KIAA1217: variants seen among roughly 807,000 people sequenced by gnomAD.
KIAA1217 encodes sickle tail protein homolog.
Under a neutral mutation model 163.9 loss-of-function variants are expected in KIAA1217, and 88 were observed. The observed-to-expected ratio is 0.54, with a 90% CI of 0.45 to 0.64. The LOEUF is 0.64. Ranked by LOEUF, KIAA1217 falls within the 30% of genes least tolerant of loss-of-function variation. The probability of loss-of-function intolerance (pLI) is 0.00; values close to 1 mark genes in which losing one functional copy is unlikely to be tolerated. For missense variants in KIAA1217, 2,372 were observed against 2,475.0 expected (o/e 0.96, Z 0.88); for synonymous variants, 903 against 923.1 (o/e 0.98, Z 0.39).
intron 1 of KIAA1217, among the ~76,000 whole-genome samples, chr10:23,883,413 A>G (rs1841037447): frequency 6.6e-6 from 1 of 151,958 alleles, no homozygotes; most frequent in Non-Finnish European, 1.5e-5. Flanking sequence ...TTCACACCTC[A>G]GAGTTGGTTG....
chr10:24,503,692 G>C (rs2067970958), intron 9 of KIAA1217, among the ~76,000 whole-genome samples: 1 of 152,166 alleles, frequency 6.6e-6, no homozygotes. Context: ...GAAAGTAATT[G>C]AAAACTAATT....
At chr10:24,390,394 A>T (rs2054693858) in intron 3 of KIAA1217, among the ~76,000 whole-genome samples, 1 of 151,898 alleles carries the variant, frequency 6.6e-6, no homozygotes, top group Non-Finnish European at 1.5e-5. Flanking sequence ...ACTGGTAAAA[A>T]ATACAATAAA....
At chr10:23,705,665 G>A (rs1318467199) in intron 1 of KIAA1217, among the ~76,000 whole-genome samples, 1 of 152,092 alleles carries the variant, frequency 6.6e-6, no homozygotes, top group Non-Finnish European at 1.5e-5. Flanking sequence ...TTTTAAATTG[G>A]AAATTGTGAG....
intron 2 of KIAA1217, among the ~76,000 whole-genome samples, chr10:24,186,626 C>T (rs1423219818): frequency 6.6e-6 from 1 of 152,178 alleles, no homozygotes; most frequent in African/African-American, 2.4e-5. Context: ...CACAGTGGCT[C>T]ACCCCTGTAA....
intron 1 of KIAA1217, among the ~76,000 whole-genome samples, chr10:23,759,844 C>T (rs1378997119): frequency 6.6e-6 from 1 of 152,140 alleles, no homozygotes; most frequent in Non-Finnish European, 1.5e-5. Context: ...TGTACCTATG[C>T]ATGCTTTTGA....
chr10:24,269,084 A>G (rs2076523830), intron 2 of KIAA1217, among the ~76,000 whole-genome samples: 1 of 143,294 alleles, frequency 7.0e-6, no homozygotes, highest in Non-Finnish European at 1.5e-5. Flanking sequence ...GGGGAAGGAT[A>G]GCATTGGGAG....
intron 1 of KIAA1217, among the ~76,000 whole-genome samples, chr10:23,821,634 C>A (rs888592470): frequency 6.6e-6 from 1 of 152,194 alleles, no homozygotes; most frequent in Admixed American, 6.5e-5. Flanking sequence ...TACCGATTCA[C>A]ACATACACAT....
chr10:24,061,962 A>G (rs1419233458), intron 2 of KIAA1217, among the ~76,000 whole-genome samples: 1 of 152,096 alleles, frequency 6.6e-6, no homozygotes, highest in African/African-American at 2.4e-5. Flanking sequence ...ATTCATTTGA[A>G]TAAGCTTTCC....
In KIAA1217 at chr10:23,902,891, A is replaced by T. The variant is rs141655560; in HGVS notation, c.-320-104334A>T. Among the ~76,000 whole-genome samples, 20 of 152,256 alleles carry T rather than the reference A, an allele frequency of 1.3e-4. No individual in the cohort carries two copies. In the East Asian group the frequency reaches 3.7e-3, roughly 28 times the overall value. ...ATTGGAAGGTGAATGTTAGCAGAAC[A>T]GCTGAGGCAAAAACTAAAGTCATGC... On this transcript the variant is annotated intron_variant, in intron 1 of 18. Coordinates refer to the KIAA1217 transcript ENST00000376462.
chr10:23,879,148 T>C (rs565399988), intron 1 of KIAA1217, among the ~76,000 whole-genome samples: 6 of 152,064 alleles, frequency 3.9e-5, no homozygotes, highest in Non-Finnish European at 7.4e-5. Flanking sequence ...TGAGATCATT[T>C]AAAGTAGTTG....
Position 23,957,944 on chromosome 10 carries a change from T to C in KIAA1217, c.-320-49281T>C, listed in dbSNP as rs1411170798. On this transcript the variant is annotated intron_variant, in intron 1 of 18. Coordinates refer to the KIAA1217 transcript ENST00000376462. ...ACTGCTGTGTCCTCAGCACCCCACA[T>C]ACAAGAGTTGCTAAATATTTCCTAT... 2.6e-5 allele frequency among the ~76,000 whole-genome samples: 4 copies of C among 152,182 alleles called. No individual in the cohort carries two copies. In the East Asian group the frequency reaches 5.8e-4, roughly 22 times the overall value.
intron 1 of KIAA1217, among the ~76,000 whole-genome samples, chr10:23,991,345 A>T (rs1695539105): frequency 6.6e-6 from 1 of 152,168 alleles, no homozygotes; most frequent in Non-Finnish European, 1.5e-5. Flanking sequence ...CACGTAGCCC[A>T]TCATGTACTG....
upstream of KIAA1217, among the ~76,000 whole-genome samples, chr10:24,208,033 A>G (rs1013431396): frequency 6.6e-6 from 1 of 150,504 alleles, no homozygotes; most frequent in Non-Finnish European, 1.5e-5. Context: ...TACAGGTTAC[A>G]AAATCGCGCT....
At chr10:24,186,565 A>G (rs763064695) in intron 2 of KIAA1217, among the ~76,000 whole-genome samples, 1 of 152,138 alleles carries the variant, frequency 6.6e-6, no homozygotes, top group Non-Finnish European at 1.5e-5. Flanking sequence ...TGTTACTTAG[A>G]AGGGGGATCT....
intron 1 of KIAA1217, among the ~76,000 whole-genome samples, chr10:23,969,699 G>A (rs966504639): frequency 6.6e-6 from 1 of 151,976 alleles, no homozygotes; most frequent in Non-Finnish European, 1.5e-5. Flanking sequence ...TCAAATATAT[G>A]GTTTTCAGAT....
intron 2 of KIAA1217, among the ~76,000 whole-genome samples, chr10:24,203,369 G>A (rs905863506): frequency 2.0e-5 from 3 of 152,112 alleles, no homozygotes; most frequent in Non-Finnish European, 4.4e-5. Context: ...ACAGAGCAAA[G>A]GCTGAACAGG....
chr10:23,762,357 A>T (rs890145222), intron 1 of KIAA1217, among the ~76,000 whole-genome samples: 2 of 152,134 alleles, frequency 1.3e-5, no homozygotes, highest in Non-Finnish European at 2.9e-5. Context: ...ATGAACATCA[A>T]TGTGAAATCC....
intron 2 of KIAA1217, among the ~76,000 whole-genome samples, chr10:24,028,339 A>G (rs1848049103): frequency 6.6e-6 from 1 of 152,140 alleles, no homozygotes; most frequent in African/African-American, 2.4e-5. Flanking sequence ...TATTCATGCC[A>G]TGCACAACCA....
In KIAA1217 at chr10:24,305,990, C is replaced by T. The variant is rs559620765; in HGVS notation, c.355-74879C>T. On this transcript the variant is annotated intron_variant, in intron 2 of 20. Transcript: ENST00000376454. ...ATGCTGGGATTGAGTCTCTGTGGTA[C>T]CAATGGTCTTACTATTGACGTCAGA... Among the ~76,000 whole-genome samples, 5 of 151,932 alleles carry T rather than the reference C, an allele frequency of 3.3e-5. No individual in the cohort carries two copies. The South Asian group carries it at 8.4e-4, about 25-fold the overall frequency.
Sources: allele counts gnomAD v4.1 joint callset (sites outside exome capture counted in the v4.1 genomes callset), GRCh38; gene constraint gnomAD v4.1.1; transcripts MANE v1.5; gene names NCBI Gene and HGNC (gene_info 2026-07-23, HGNC 2026-07-21).